SCAF11: variants seen among roughly 807,000 people sequenced by gnomAD.
SCAF11 encodes SR-related CTD associated factor 11.
Under a neutral mutation model 140.5 loss-of-function variants are expected in SCAF11, and 47 were observed. That is an observed-to-expected ratio of 0.33 (90% confidence interval 0.26 to 0.43). SCAF11 has a LOEUF of 0.43. Among genes scored for constraint, SCAF11 ranks in the 20% least tolerant of loss-of-function variants. SCAF11 has a pLI of 1.00. For missense variants in SCAF11, 1,645 were observed against 1,705.1 expected (o/e 0.96, Z 0.62); for synonymous variants, 557 against 579.4 (o/e 0.96, Z 0.55).
At position 45,927,546 on chromosome 12, in the gene SCAF11, T is replaced by C. The variant is rs774899627; in HGVS notation, c.2155A>G (p.Met719Val). The change falls in exon 11 of 15, where the codon ATG becomes GTG. Residue 719 changes from methionine (M) to valine (V), a missense_variant. Physicochemically the swap from Met to Val is conservative, Grantham distance 21 (BLOSUM62 1). This residue lies in a region of SCAF11 where 1,582 missense variants were observed against 1,609.2 expected (regional missense o/e 0.98). Coordinates refer to ENST00000369367, the MANE Select transcript of SCAF11 (RefSeq NM_004719.3). ...TCACTGCAAAATGAATCACACTCCA[T>C]AGGTATCATTTCATTGTTGTCCTCA... ...FSEDNNEMIP[M>V]ECDSFCSDQN... is the part of the protein sequence containing the mutation. 10 of 1,613,636 alleles carry C rather than the reference T, an allele frequency of 6.2e-6. No individual in the cohort carries two copies. Among genetic ancestry groups the C allele is most frequent in the East Asian group, 2.2e-5 (1 of 44,888 alleles).
chr12:45,925,096 G>A (rs773574998), intron 11 of SCAF11, 22 bp from the exon 12 acceptor site: 1 of 1,563,954 alleles, frequency 6.4e-7, no homozygotes, highest in East Asian at 2.3e-5. Context: ...AAAAAAGCTT[G>A]TGAAAAAAAT....
At chr12:45,965,545 C>T (rs1235718433) in intron 1 of SCAF11, among the ~76,000 whole-genome samples, 1 of 152,118 alleles carries the variant, frequency 6.6e-6, no homozygotes, top group East Asian at 1.9e-4. Context: ...AACTCCTGGG[C>T]TCAAGCGATC....
intron 1 of SCAF11, among the ~76,000 whole-genome samples, chr12:45,977,664 G>A (rs974804328): frequency 6.6e-6 from 1 of 152,036 alleles, no homozygotes. Flanking sequence ...TTCAGGAAAG[G>A]CACTTTTTCA....
chr12:45,931,706 T>C, intron 9 of SCAF11, 94 bp from the exon 10 acceptor site: 1 of 602,408 alleles, frequency 1.7e-6, no homozygotes, highest in Non-Finnish European at 2.7e-6. Flanking sequence ...GTTAGCAATA[T>C]TAAAATACAG....
chr12:45,923,517 T>C (rs1944765420), intron 12 of SCAF11, among the ~76,000 whole-genome samples: 3 of 151,910 alleles, frequency 2.0e-5, no homozygotes, highest in Admixed American at 6.6e-5. Flanking sequence ...CTGGAAAAAA[T>C]AAGGCAGTAA....
chr12:45,982,047 T>C (rs1946361887), intron 1 of SCAF11, among the ~76,000 whole-genome samples: 1 of 152,202 alleles, frequency 6.6e-6, no homozygotes, highest in Non-Finnish European at 1.5e-5. Flanking sequence ...ATATGAACTA[T>C]ATTTTAAACC....
chr12:45,927,951 T>C lies in SCAF11; in HGVS notation c.1750A>G (p.Ile584Val), dbSNP rs1944931278. 6.2e-7 allele frequency: 1 copy of C among 1,613,498 alleles called. No individual in the cohort carries two copies. Among genetic ancestry groups the C allele is most frequent in the African/African-American group, 1.3e-5 (1 of 75,044 alleles). Residue 584 changes from isoleucine (I) to valine (V), a missense_variant, in exon 11 of 15, where the codon ATA (isoleucine) becomes GTA (valine). Ile to Val is a conservative substitution (Grantham distance 29). Around this residue, in one of 2 missense-constraint regions of SCAF11, gnomAD observed 1,582 missense variants for 1,609.2 expected, o/e 0.98. Transcript: ENST00000369367. ...NVESVVNEEK[I>V]TESSLVEITE... ...ATTTCTACTAGGGAACTCTCTGTTA[T>C]TTTTTCTTCATTAACCACTGACTCT...
intron 4 of SCAF11, among the ~76,000 whole-genome samples, chr12:45,949,141 CA>C (rs1945492547): frequency 1.3e-5 from 2 of 151,986 alleles, no homozygotes; most frequent in African/African-American, 4.8e-5. Context: ...GGGAATCAAC[CA>C]GTTAAGGAGA....
At chr12:45,953,727 T>C in intron 3 of SCAF11, 1 of 252,742 alleles carries the variant, frequency 4.0e-6, no homozygotes, top group East Asian at 1.0e-4. Flanking sequence ...AGGCCATGAA[T>C]TTACTGTGCT....
At chr12:45,974,253 G>A in intron 1 of SCAF11, 1 of 470,012 alleles carries the variant, frequency 2.1e-6, no homozygotes, top group Non-Finnish European at 4.4e-6. Context: ...TCTTTTTGAT[G>A]GTGGAGGGTC....
chr12:45,951,783 TAA>T (rs1171073460), intron 3 of SCAF11, 56 bp from the exon 4 acceptor site: 1 of 1,067,554 alleles, frequency 9.4e-7, no homozygotes, highest in East Asian at 2.5e-5. Flanking sequence ...ATCAAAATTA[TAA>T]ATACAATTAT....
intron 1 of SCAF11, among the ~76,000 whole-genome samples, chr12:45,968,799 G>A (rs937100869): frequency 1.3e-5 from 2 of 152,008 alleles, no homozygotes; most frequent in Admixed American, 6.6e-5. Context: ...AAAATTAGCC[G>A]GGCGTGGTGT....
At chr12:45,956,050 A>G (rs949908346) in intron 3 of SCAF11, 1 of 707,172 alleles carries the variant, frequency 1.4e-6, no homozygotes, top group African/African-American at 1.8e-5. Flanking sequence ...AGCATTATAA[A>G]TTCTCAGCTC....
intron 1 of SCAF11, among the ~76,000 whole-genome samples, chr12:45,981,777 G>C (rs1202645451): frequency 6.6e-6 from 1 of 152,108 alleles, no homozygotes; most frequent in Non-Finnish European, 1.5e-5. Flanking sequence ...CCAGGGGACA[G>C]AGTGAGACCT....
At chr12:45,958,110 G>A (rs1280121821) in intron 3 of SCAF11, among the ~76,000 whole-genome samples, 1 of 150,382 alleles carries the variant, frequency 6.6e-6, no homozygotes, top group Non-Finnish European at 1.5e-5. Context: ...TCACCATGTT[G>A]CCCAGGCTGG....
At chr12:45,984,101 C>A (rs908972983) in intron 1 of SCAF11, among the ~76,000 whole-genome samples, 1 of 152,090 alleles carries the variant, frequency 6.6e-6, no homozygotes, top group Non-Finnish European at 1.5e-5. Context: ...GAGCAAAATG[C>A]TCATGTTACG....
Position 45,934,303 on chromosome 12 carries a change from A to T in SCAF11, c.523-18T>A. 1 of 1,535,024 alleles carries T rather than the reference A, an allele frequency of 6.5e-7. No individual in the cohort carries two copies. Among genetic ancestry groups the T allele is most frequent in the South Asian group, 1.2e-5 (1 of 86,628 alleles). On this transcript the variant is annotated intron_variant, in intron 7 of 14. Transcript: ENST00000369367. ...CTCTGAGGCTAGAAAAGTAAAAAGTAGTTAGTGAAACAGCAAATAAATAAC... is the reference window on the plus strand; with the variant it reads ...CTCTGAGGCTAGAAAAGTAAAAAGTTGTTAGTGAAACAGCAAATAAATAAC...
Position 45,934,525 on chromosome 12 carries a change from G to T in SCAF11, c.464-20C>A. On this transcript the variant is annotated intron_variant, in intron 6 of 14. Transcript: ENST00000369367. ...AGTTTCCTGTACAAAGACATAAAAG[G>T]ACTTGGTTACCTTGTATTAATTTTT... 1 of 1,517,588 alleles carries T rather than the reference G, an allele frequency of 6.6e-7. No homozygotes were observed. 94.0% of individuals were successfully genotyped at this position (1,517,588 alleles called of 1,614,324 possible). A position where few individuals can be genotyped will look rare whatever the true frequency, so the allele number is the denominator to read the frequency against.
chr12:45,983,522 A>G (rs1250907284), intron 1 of SCAF11, among the ~76,000 whole-genome samples: 1 of 152,174 alleles, frequency 6.6e-6, no homozygotes, highest in East Asian at 1.9e-4. Context: ...ACAACAGAAC[A>G]CTGCATTAAA....
Sources: allele counts gnomAD v4.1 joint callset (sites outside exome capture counted in the v4.1 genomes callset), GRCh38; gene constraint gnomAD v4.1.1; regional missense constraint gnomAD v4.1.1; transcripts MANE v1.5; gene names NCBI Gene and HGNC (gene_info 2026-07-23, HGNC 2026-07-21).